The following FAM184A variants were observed in gnomAD, a reference collection of about 807,000 sequenced individuals.
FAM184A encodes protein FAM184A.
In FAM184A, 99 loss-of-function variants were observed where a neutral mutation model predicts 143.8. That is an observed-to-expected ratio of 0.69 (90% CI 0.58 to 0.81). The LOEUF (loss-of-function observed/expected upper bound fraction) is 0.81. Among genes scored for constraint, FAM184A ranks in the 40% least tolerant of loss-of-function variants. FAM184A has a pLI of 0.00. For missense variants in FAM184A, 1,217 were observed against 1,310.5 expected, an observed-to-expected ratio of 0.93 and a Z score of 1.10; for synonymous variants, 427 against 446.4, an observed-to-expected ratio of 0.96 and a Z score of 0.55.
intron 1 of FAM184A, among the ~76,000 whole-genome samples, chr6:119,045,074 C>T (rs1335868609): frequency 6.6e-6 from 1 of 152,202 alleles, no homozygotes; most frequent in Non-Finnish European, 1.5e-5. Flanking sequence ...GTTCTCCAAC[C>T]TTTTGCCCCT....
chr6:118,992,053 C>G (rs984655381), intron 9 of FAM184A, among the ~76,000 whole-genome samples: 1 of 151,836 alleles, frequency 6.6e-6, no homozygotes, highest in Non-Finnish European at 1.5e-5. Flanking sequence ...TATGAGCCAG[C>G]GCACCCAGCC....
chr6:119,060,426 G>A (rs1178816170), intron 1 of FAM184A, among the ~76,000 whole-genome samples: 2 of 152,182 alleles, frequency 1.3e-5, no homozygotes, highest in Non-Finnish European at 1.5e-5. Context: ...ACAGCCCACA[G>A]TCTAGTACAG....
At chr6:119,030,283 T>A (rs898311801) in intron 1 of FAM184A, among the ~76,000 whole-genome samples, 6 of 152,118 alleles carry the variant, frequency 3.9e-5, no homozygotes, top group Admixed American at 3.3e-4. Context: ...CACTACTAAC[T>A]TATTTTTAAG....
chr6:119,128,176 G>A (rs1338913324), intron 1 of FAM184A, among the ~76,000 whole-genome samples: 1 of 152,174 alleles, frequency 6.6e-6, no homozygotes, highest in African/African-American at 2.4e-5. Context: ...ACCCAGGTTT[G>A]GCTGCTAACC....
intron 1 of FAM184A, among the ~76,000 whole-genome samples, chr6:119,049,134 C>T (rs760297783): frequency 2.0e-5 from 3 of 152,192 alleles, no homozygotes; most frequent in Non-Finnish European, 4.4e-5. Context: ...GTAACCAAAA[C>T]AGCATGATCC....
In FAM184A at chr6:119,145,288, C is replaced by T. The variant is rs575926556; in HGVS notation, c.-202+3790G>A. On this transcript the variant is annotated intron_variant, in intron 1 of 16. Transcript: ENST00000352896. ...CAGCTTCCTCCCATTGTCTGCTAGG[C>T]TGTAGGGGTGTAAGAGCTTCCTGTT... Among the ~76,000 whole-genome samples the T allele has an allele frequency of 1.3e-5, 2 of 152,316 alleles. 1 individual carries two copies. Among genetic ancestry groups the T allele is most frequent in the African/African-American group, 4.8e-5 (2 of 41,566 alleles).
Position 119,011,417 on chromosome 6 carries a change from T to G in FAM184A, c.1545A>C (p.Gln515His). 1 of 1,553,080 alleles carries G rather than the reference T, an allele frequency of 6.4e-7. No individual in the cohort carries two copies. ...CCAGGTTTAGTTTATCTTTGTTATG[T>G]TGTTCTTCCAAATCCTTAGAAAAAG... ...KKKLQMDLEE[Q>H]HNKDKLNLEE... Residue 515 changes from glutamine (Q) to histidine (H), a missense_variant, in exon 6 of 18, where the codon CAA becomes CAC. Gln to His is a conservative substitution (Grantham distance 24, BLOSUM62 0). Transcript: ENST00000338891.
intron 3 of FAM184A, among the ~76,000 whole-genome samples, chr6:119,022,053 CTTTTTTTTTTTTT>C (rs34128659): frequency 3.6e-5 from 3 of 84,392 alleles, no homozygotes; most frequent in African/African-American, 9.1e-5. Flanking sequence ...TTCGTTCTTT[CTTTTTTTTTTTTT>C]TTTTTTTTTT....
chr6:118,988,952 T>C (rs1211061519), intron 9 of FAM184A, among the ~76,000 whole-genome samples: 2 of 134,650 alleles, frequency 1.5e-5, no homozygotes, highest in Non-Finnish European at 3.1e-5. Flanking sequence ...ACTCTGGACA[T>C]GATTTTTTTT....
intron 1 of FAM184A, among the ~76,000 whole-genome samples, chr6:119,123,816 T>G (rs1050407993): frequency 3.9e-5 from 6 of 152,226 alleles, no homozygotes; most frequent in African/African-American, 1.4e-4. Flanking sequence ...GAAATAAATA[T>G]GGACAGTTAT....
At chr6:119,095,155 G>A (rs889207908) in intron 1 of FAM184A, among the ~76,000 whole-genome samples, 3 of 152,116 alleles carry the variant, frequency 2.0e-5, no homozygotes, top group East Asian at 3.9e-4. Flanking sequence ...AGCCAGTCCC[G>A]TACACCCAGC....
chr6:118,970,515 CAA>C (rs1320595638), intron 14 of FAM184A, among the ~76,000 whole-genome samples: 1 of 151,952 alleles, frequency 6.6e-6, no homozygotes, highest in African/African-American at 2.4e-5. Context: ...GTAGTGATAT[CAA>C]GTTTTCCTAT....
chr6:119,097,854 T>C (rs1023777672), intron 1 of FAM184A, among the ~76,000 whole-genome samples: 1 of 152,192 alleles, frequency 6.6e-6, no homozygotes, highest in Non-Finnish European at 1.5e-5. Context: ...TACTCTAATC[T>C]TTCCTCACCT....
At chr6:119,147,562 C>G (rs1166838297) in intron 1 of FAM184A, among the ~76,000 whole-genome samples, 2 of 152,202 alleles carry the variant, frequency 1.3e-5, no homozygotes, top group Non-Finnish European at 2.9e-5. Context: ...TTGACCCACT[C>G]TCTGTACCAG....
chr6:118,965,155 T>C lies in FAM184A; in HGVS notation c.3034-384A>G, dbSNP rs536086933. ...ACTATATCATTAATCTTTATTTCCA[T>C]TTCTTTTTATAGGCATGTGCCACCA... On this transcript the variant is annotated intron_variant, in intron 15 of 17. Coordinates refer to ENST00000338891, the MANE Select transcript of FAM184A (RefSeq NM_024581.6). Among the ~76,000 whole-genome samples the C allele has an allele frequency of 1.1e-4, 16 of 152,150 alleles. No homozygotes were observed. The South Asian group carries it at 3.3e-3, about 32-fold the overall frequency.
intron 1 of FAM184A, among the ~76,000 whole-genome samples, chr6:119,101,029 T>A (rs1297287026): frequency 6.6e-6 from 1 of 151,278 alleles, no homozygotes; most frequent in Non-Finnish European, 1.5e-5. Context: ...ATGAAAATAG[T>A]AATCCCCCAT....
intron 1 of FAM184A, among the ~76,000 whole-genome samples, chr6:119,042,057 C>T (rs575856409): frequency 4.6e-5 from 7 of 152,176 alleles, no homozygotes; most frequent in East Asian, 3.9e-4. Context: ...CAAGGGTACC[C>T]GTTAAGACTG....
intron 1 of FAM184A, among the ~76,000 whole-genome samples, chr6:119,045,000 G>A (rs1459458750): frequency 2.6e-5 from 4 of 152,168 alleles, no homozygotes; most frequent in Non-Finnish European, 5.9e-5. Flanking sequence ...CAATTCTAGC[G>A]ATCTCTTCTA....
At position 119,058,979 on chromosome 6, in the gene FAM184A, A is replaced by C. The variant is rs138423198; in HGVS notation, c.159+19162T>G. 7.2e-5 allele frequency among the ~76,000 whole-genome samples: 11 copies of C among 151,844 alleles called. No individual in the cohort carries two copies. In the East Asian group the frequency reaches 2.1e-3, roughly 29 times the overall value. On this transcript the variant is annotated intron_variant, in intron 1 of 17. Transcript: ENST00000338891. ...TATTTTATATTTATTATTTTATTTT[A>C]TATTTTATCTTATTTTGAGACAAGG...
Sources: allele counts gnomAD v4.1 joint callset (sites outside exome capture counted in the v4.1 genomes callset), GRCh38; gene constraint gnomAD v4.1.1; transcripts MANE v1.5; gene names NCBI Gene and HGNC (gene_info 2026-07-23, HGNC 2026-07-21).